CFAP77: variants seen among roughly 807,000 people sequenced by gnomAD.
CFAP77 encodes cilia- and flagella-associated protein 77.
In CFAP77, 25 loss-of-function variants were observed where a neutral mutation model predicts 31.1. The observed-to-expected ratio is 0.80, with a 90% CI of 0.59 to 1.12. The LOEUF is 1.12. Ranked by LOEUF, CFAP77 falls within the 50% of genes most tolerant of loss-of-function variation. The pLI, the probability that CFAP77 is intolerant of heterozygous loss-of-function variation, is 0.00. For synonymous variants in CFAP77, 151 were observed against 159.9 expected (o/e 0.94, Z 0.42); for missense variants, 377 against 397.3 (o/e 0.95, Z 0.44).
intron 1 of CFAP77, among the ~76,000 whole-genome samples, chr9:132,465,073 C>CA (rs773917029): frequency 0.011 from 932 of 81,952 alleles, 3 homozygotes; most frequent in Non-Finnish European, 0.013. Context: ...GACTCTGTCT[C>CA]AAAAAAAAAA....
intron 1 of CFAP77, among the ~76,000 whole-genome samples, chr9:132,483,730 C>T (rs1851489693): frequency 6.6e-6 from 1 of 152,162 alleles, no homozygotes; most frequent in African/African-American, 2.4e-5. Context: ...GCCCACTCCC[C>T]ACCCCATGCC....
intron 1 of CFAP77, among the ~76,000 whole-genome samples, chr9:132,448,192 C>T (rs1850762283): frequency 6.6e-6 from 1 of 152,012 alleles, no homozygotes. Flanking sequence ...CACACACACG[C>T]ACACATGCAC....
intron 1 of CFAP77, among the ~76,000 whole-genome samples, chr9:132,412,379 T>A (rs1353127962): frequency 2.0e-5 from 3 of 152,122 alleles, no homozygotes; most frequent in Non-Finnish European, 4.4e-5. Context: ...TTCTTCGGGG[T>A]CTTTAAGGTA....
intron 1 of CFAP77, among the ~76,000 whole-genome samples, chr9:132,492,966 C>G (rs1325339088): frequency 6.6e-6 from 1 of 152,178 alleles, no homozygotes; most frequent in Non-Finnish European, 1.5e-5. Context: ...CGAGGACTCC[C>G]ACGGCTCCAG....
At position 132,476,960 on chromosome 9, in the gene CFAP77, G is replaced by A. The variant is rs530193132; in HGVS notation, c.196-21735G>A. ...AGCCACAAGAAACGGATACAGAGGCGATGGTTTGGGGCCAGGAATGCATGA... is the reference window on the plus strand; with the variant it reads ...AGCCACAAGAAACGGATACAGAGGCAATGGTTTGGGGCCAGGAATGCATGA... On this transcript the variant is annotated intron_variant, in intron 1 of 5. Transcript: ENST00000393216. 1.4e-3 allele frequency among the ~76,000 whole-genome samples: 215 copies of A among 152,332 alleles called. 1 individual carries two copies. Among genetic ancestry groups the A allele is most frequent in the African/African-American group, 5.0e-3 (206 of 41,572 alleles).
At chr9:132,507,595 C>G (rs1019895115) in intron 3 of CFAP77, among the ~76,000 whole-genome samples, 1 of 152,104 alleles carries the variant, frequency 6.6e-6, no homozygotes, top group East Asian at 1.9e-4. Context: ...TTTTGAATCT[C>G]TCTGCCAAGC....
intron 1 of CFAP77, among the ~76,000 whole-genome samples, chr9:132,473,510 G>A (rs950329746): frequency 6.6e-6 from 1 of 152,280 alleles, no homozygotes; most frequent in Non-Finnish European, 1.5e-5. Context: ...GTCCGGACAC[G>A]GATTCCCTTC....
chr9:132,509,322 G>A (rs1312492562), intron 3 of CFAP77, among the ~76,000 whole-genome samples: 1 of 152,230 alleles, frequency 6.6e-6, no homozygotes, highest in Non-Finnish European at 1.5e-5. Context: ...GTTCTTTTGG[G>A]AGGTGGAGGC....
chr9:132,538,165 A>G (rs1344685730), intron 4 of CFAP77, among the ~76,000 whole-genome samples: 1 of 152,212 alleles, frequency 6.6e-6, no homozygotes, highest in East Asian at 1.9e-4. Flanking sequence ...TAAAGAACAC[A>G]TTATATTAAA....
chr9:132,563,007 G>T lies in CFAP77; in HGVS notation c.733-9381G>T, dbSNP rs538782746. Among the ~76,000 whole-genome samples, 182 of 151,072 alleles carry T rather than the reference G, an allele frequency of 1.2e-3. 1 individual carries two copies. The highest frequency in any genetic ancestry group is 3.7e-3 in the African/African-American group (151 of 41,192). On this transcript the variant is annotated intron_variant, in intron 5 of 5. Coordinates refer to ENST00000393216, the MANE Select transcript of CFAP77 (RefSeq NM_001282957.2). Reference sequence around the variant, plus strand: ...GCCACCCCACCTGGCCGCAATTGGGGTTTTTTTGGCTTTTTTTGGTTTTGT... The same window carrying T: ...GCCACCCCACCTGGCCGCAATTGGGTTTTTTTTGGCTTTTTTTGGTTTTGT...
intron 1 of CFAP77, among the ~76,000 whole-genome samples, chr9:132,476,858 A>G (rs1851353966): frequency 1.3e-5 from 2 of 152,126 alleles, no homozygotes; most frequent in Admixed American, 6.5e-5. Flanking sequence ...TAACACCTTC[A>G]TTTCAGACTT....
At chr9:132,451,005 A>C (rs1850816201) in intron 1 of CFAP77, among the ~76,000 whole-genome samples, 1 of 152,202 alleles carries the variant, frequency 6.6e-6, no homozygotes, top group East Asian at 1.9e-4. Flanking sequence ...CCTCCAACCA[A>C]GATGGAAAAT....
At chr9:132,410,588 TC>T in intron 1 of CFAP77, 122 bp downstream of exon 1, 1 of 867,536 alleles carries the variant, frequency 1.2e-6, no homozygotes, top group Non-Finnish European at 1.7e-6. Context: ...CGTGGGAAGC[TC>T]CAGCTCTGGT....
chr9:132,569,849 C>T (rs1381817589), intron 5 of CFAP77, among the ~76,000 whole-genome samples: 1 of 151,518 alleles, frequency 6.6e-6, no homozygotes, highest in Non-Finnish European at 1.5e-5. Context: ...GATTCTCCTG[C>T]CTTAGCCCTC....
At chr9:132,418,451 G>A (rs1850147243) in intron 1 of CFAP77, among the ~76,000 whole-genome samples, 1 of 152,212 alleles carries the variant, frequency 6.6e-6, no homozygotes, top group Admixed American at 6.5e-5. Context: ...CGTGGTTCAT[G>A]GTCTCTTGTA....
intron 3 of CFAP77, among the ~76,000 whole-genome samples, chr9:132,522,225 G>T (rs1021742998): frequency 2.0e-5 from 3 of 152,170 alleles, no homozygotes; most frequent in African/African-American, 7.2e-5. Flanking sequence ...TGTGCACCTG[G>T]CTTGCTGGGC....
rs1236322976 is a variant in CFAP77, at chr9:132,554,158, A to G, written c.732+11111A>G. 2.0e-5 allele frequency among the ~76,000 whole-genome samples: 3 copies of G among 152,248 alleles called. No individual in the cohort carries two copies. The highest frequency in any genetic ancestry group is 1.3e-4 in the Admixed American group (2 of 15,292). ...TGAGCTCTGTGGAACTCAAAGCCCTATGTCCCTAATCATCGAGTGCACTGT... is the reference window on the plus strand; with the variant it reads ...TGAGCTCTGTGGAACTCAAAGCCCTGTGTCCCTAATCATCGAGTGCACTGT... On this transcript the variant is annotated intron_variant, in intron 5 of 5. Coordinates refer to ENST00000393216, the MANE Select transcript of CFAP77 (RefSeq NM_001282957.2). This position sits in a 1 kb window ranked among gnomAD's most constrained non-coding sequence, Gnocchi z 4.1.
At chr9:132,441,734 GC>G (rs1850618586) in intron 1 of CFAP77, among the ~76,000 whole-genome samples, 1 of 152,270 alleles carries the variant, frequency 6.6e-6, no homozygotes, top group South Asian at 2.1e-4. Context: ...GAGACAAACA[GC>G]CCCGGATTCA....
intron 1 of CFAP77, among the ~76,000 whole-genome samples, chr9:132,418,648 T>C (rs1018954483): frequency 1.3e-5 from 2 of 152,208 alleles, no homozygotes; most frequent in Non-Finnish European, 2.9e-5. Flanking sequence ...GACTTGTCAA[T>C]CTCTAGCCTC....
Sources: gnomAD v4.1 joint callset for allele counts (sites outside exome capture counted in the v4.1 genomes callset) on GRCh38, gnomAD v4.1.1 for gene constraint, Gnocchi (gnomAD v3.1) non-coding constraint, MANE v1.5 for transcripts, NCBI Gene and HGNC (gene_info 2026-07-23, HGNC 2026-07-21) for gene names.